The following PTPN22 variants were observed in gnomAD, a reference collection of about 807,000 sequenced individuals.
PTPN22 encodes protein tyrosine phosphatase non-receptor type 22.
Under a neutral mutation model 103.3 loss-of-function variants are expected in PTPN22, and 85 were observed. The ratio of observed to expected loss-of-function variants is 0.82; its 90% CI spans 0.69 to 0.99. The LOEUF is 0.99. Ranked by LOEUF, PTPN22 falls within the 50% of genes least tolerant of loss-of-function variation. The pLI is 0.00. For missense variants in PTPN22, 865 were observed against 936.9 expected, an observed-to-expected ratio of 0.92 and a Z score of 1.00; for synonymous variants, 323 against 310.2, an observed-to-expected ratio of 1.04 and a Z score of -0.43.
intron 1 of PTPN22, among the ~76,000 whole-genome samples, chr1:113,868,359 C>A (rs1666291910): frequency 6.6e-6 from 1 of 152,130 alleles, no homozygotes; most frequent in Non-Finnish European, 1.5e-5. Context: ...AGAATGAGTC[C>A]TCAAACCTCG....
At chr1:113,858,149 A>G (rs1040851554) in intron 4 of PTPN22, 2 of 200,598 alleles carry the variant, frequency 1.0e-5, no homozygotes, top group Non-Finnish European at 2.0e-5. Flanking sequence ...TCTCAACCTC[A>G]TGGGCTCAAG....
intron 11 of PTPN22, among the ~76,000 whole-genome samples, chr1:113,847,513 A>G (rs550939746): frequency 2.0e-5 from 3 of 146,368 alleles, no homozygotes; most frequent in Non-Finnish European, 4.5e-5. Context: ...GTGATTTTCA[A>G]CTGAAATCTG....
At chr1:113,834,938 A>C in exon 14 of PTPN22, 2 of 1,581,012 alleles carry the variant, frequency 1.3e-6, no homozygotes, top group South Asian at 2.3e-5. Flanking sequence ...TAAATGATTC[A>C]GGTGTCCATA....
At chr1:113,839,072 A>G (rs1246901279) in intron 11 of PTPN22, among the ~76,000 whole-genome samples, 1 of 152,088 alleles carries the variant, frequency 6.6e-6, no homozygotes, top group African/African-American at 2.4e-5. Context: ...ACTTATTTCC[A>G]AGTCAAGGCT....
chr1:113,858,044 T>A (rs1571450579), intron 4 of PTPN22: 1 of 239,202 alleles, frequency 4.2e-6, no homozygotes. Flanking sequence ...TTTAAATTTA[T>A]TTTTATTATT....
At chr1:113,817,039 A>T (rs948067181) in intron 20 of PTPN22, among the ~76,000 whole-genome samples, 2 of 152,186 alleles carry the variant, frequency 1.3e-5, no homozygotes, top group African/African-American at 4.8e-5. Context: ...TGATAAAAAA[A>T]AATTGGTGGA....
chr1:113,826,659 A>ATTTT lies in PTPN22; in HGVS notation c.2251-1491_2251-1488dup, dbSNP rs10563752. ...CTCTACTTTTATGGTGGAGTCTCTA[A>ATTTT]TTTTTTTTTTTTTTTTTTTTTTTTT... On this transcript the variant is annotated intron_variant, in intron 18 of 20. Transcript: ENST00000359785. 9.5e-3 allele frequency among the ~76,000 whole-genome samples: 600 copies of ATTTT among 63,130 alleles called. 79 individuals are homozygous for ATTTT. The highest frequency in any genetic ancestry group is 0.012 in the Non-Finnish European group (432 of 35,660). The allele number at this position is 63,130 out of a possible 152,430, so 41.4% of individuals were successfully genotyped here.
At chr1:113,866,004 A>G in intron 1 of PTPN22, among the ~76,000 whole-genome samples, 1 of 152,210 alleles carries the variant, frequency 6.6e-6, no homozygotes, top group East Asian at 1.9e-4. Flanking sequence ...ACAAAGCAAG[A>G]CTACCTGAAA....
chr1:113,834,863 C>A, intron 14 of PTPN22, 47 bp downstream of exon 14: 2 of 1,380,500 alleles, frequency 1.4e-6, no homozygotes, highest in Non-Finnish European at 2.0e-6. Flanking sequence ...GCATGAGCCA[C>A]CATGCCCATC....
chr1:113,825,717 G>A (rs1661994995), intron 18 of PTPN22, among the ~76,000 whole-genome samples: 1 of 151,844 alleles, frequency 6.6e-6, no homozygotes, highest in African/African-American at 2.4e-5. Flanking sequence ...TGTTGTTGTT[G>A]TTGTTGTTGT....
rs184683795 is a variant in PTPN22 at position 113,835,961 on chromosome 1, T to C, written c.1811-968A>G. 3.2e-4 allele frequency among the ~76,000 whole-genome samples: 49 copies of C among 152,220 alleles called. 1 individual carries two copies. The highest frequency in any genetic ancestry group is 2.2e-3 in the Admixed American group (34 of 15,298). On this transcript the variant is annotated intron_variant, in intron 13 of 20. Transcript: ENST00000359785. ...ATTAATTTTTTTTTGAGACGGAGTC[T>C]CGCTCTGTTTTTTAATGATGCAGAT...
intron 9 of PTPN22, 105 bp from the exon 10 acceptor site, chr1:113,852,209 G>A: frequency 1.9e-5 from 14 of 739,152 alleles, no homozygotes; most frequent in South Asian, 5.7e-5. Flanking sequence ...TCTAACATGG[G>A]GTAATATCAG....
At chr1:113,858,599 G>T in intron 3 of PTPN22, 26 bp from the exon 4 acceptor site, 1 of 1,409,658 alleles carries the variant, frequency 7.1e-7, no homozygotes, top group East Asian at 2.3e-5. Context: ...AATTACACGG[G>T]GTGACTACAA....
At chr1:113,820,896 T>A (rs1661538739) in intron 19 of PTPN22, among the ~76,000 whole-genome samples, 1 of 152,056 alleles carries the variant, frequency 6.6e-6, no homozygotes, top group South Asian at 2.1e-4. Context: ...TATGAATCAC[T>A]AGACTACATA....
intron 11 of PTPN22, among the ~76,000 whole-genome samples, chr1:113,844,883 A>G (rs1383835543): frequency 2.0e-5 from 3 of 152,314 alleles, no homozygotes; most frequent in African/African-American, 7.2e-5. Flanking sequence ...CAGTGGCACA[A>G]TCACAGTTGA....
chr1:113,845,795 C>T (rs1235257094), intron 11 of PTPN22, among the ~76,000 whole-genome samples: 1 of 152,166 alleles, frequency 6.6e-6, no homozygotes. Context: ...TTTTTCTTCA[C>T]ATATTTTGCA....
intron 19 of PTPN22, among the ~76,000 whole-genome samples, chr1:113,821,402 A>G (rs1295984237): frequency 6.6e-6 from 1 of 151,880 alleles, no homozygotes; most frequent in African/African-American, 2.4e-5. Flanking sequence ...GCTCACCACA[A>G]CCACCGCCTC....
chr1:113,846,366 T>C (rs1454169134), intron 11 of PTPN22, among the ~76,000 whole-genome samples: 2 of 152,200 alleles, frequency 1.3e-5, no homozygotes, highest in Non-Finnish European at 2.9e-5. Context: ...ACTGGTGTTA[T>C]CATTTTACCA....
intron 18 of PTPN22, among the ~76,000 whole-genome samples, chr1:113,826,947 G>A (rs1214356410): frequency 1.3e-5 from 2 of 151,988 alleles, no homozygotes; most frequent in Non-Finnish European, 2.9e-5. Context: ...GGGATTACAG[G>A]CGTGAGCCAC....
Sources: allele counts gnomAD v4.1 joint callset (sites outside exome capture counted in the v4.1 genomes callset), GRCh38; gene constraint gnomAD v4.1.1; transcripts MANE v1.5; gene names NCBI Gene and HGNC (gene_info 2026-07-23, HGNC 2026-07-21).